PSTPIP1: variants seen among roughly 807,000 people sequenced by gnomAD.
PSTPIP1 encodes proline-serine-threonine phosphatase interacting protein 1, also known as proline-serine-threonine phosphatase-interacting protein 1.
In PSTPIP1, 66 loss-of-function variants were observed where a neutral mutation model predicts 69.6. The observed-to-expected ratio is 0.95, with a 90% CI of 0.78 to 1.16. The LOEUF (loss-of-function observed/expected upper bound fraction) is 1.16. Ranked by LOEUF, PSTPIP1 falls within the 50% of genes most tolerant of loss-of-function variation. PSTPIP1 has a pLI of 0.00. For missense variants in PSTPIP1, 603 were observed against 557.4 expected (o/e 1.08, Z -0.82); for synonymous variants, 266 against 222.7 (o/e 1.19, Z -1.73).
intron 9 of PSTPIP1, 64 bp downstream of exon 9, chr15:77,030,645 C>A: frequency 1.4e-6 from 2 of 1,478,858 alleles, no homozygotes; most frequent in African/African-American, 1.4e-5. Context: ...CATCCCTACT[C>A]CAGCTGCTTA....
At chr15:77,001,413 T>C (rs1336723178) in intron 1 of PSTPIP1, among the ~76,000 whole-genome samples, 1 of 152,180 alleles carries the variant, frequency 6.6e-6, no homozygotes, top group East Asian at 1.9e-4. Context: ...TCAGGGCCTG[T>C]GGATGGGGCC....
chr15:77,015,381 G>A (rs933941608), intron 1 of PSTPIP1, among the ~76,000 whole-genome samples: 7 of 152,028 alleles, frequency 4.6e-5, no homozygotes, highest in African/African-American at 9.7e-5. Context: ...CCCCATCTTC[G>A]CCTCCCGAGA....
At chr15:77,022,349 G>A (rs1274536515) in intron 3 of PSTPIP1, among the ~76,000 whole-genome samples, 1 of 152,198 alleles carries the variant, frequency 6.6e-6, no homozygotes, top group Non-Finnish European at 1.5e-5. Flanking sequence ...GAAACACACT[G>A]GAAATCTGGA....
chr15:77,007,287 G>A (rs1412478643), intron 1 of PSTPIP1, among the ~76,000 whole-genome samples: 1 of 152,182 alleles, frequency 6.6e-6, no homozygotes, highest in African/African-American at 2.4e-5. Context: ...ATTAATGTCT[G>A]TCCCGGCCTC....
intron 1 of PSTPIP1, among the ~76,000 whole-genome samples, chr15:77,004,897 A>G (rs1256783144): frequency 6.6e-6 from 1 of 151,654 alleles, no homozygotes; most frequent in Non-Finnish European, 1.5e-5. Context: ...ACAAAGAAAG[A>G]AAAGAGAAGC....
intron 12 of PSTPIP1, among the ~76,000 whole-genome samples, chr15:77,033,845 T>A (rs1197659162): frequency 6.6e-6 from 1 of 151,892 alleles, no homozygotes; most frequent in Non-Finnish European, 1.5e-5. Context: ...TCTTTGAGAA[T>A]CTTGTGCAAG....
In PSTPIP1 at chr15:76,995,422, G is replaced by T. The variant is rs1200264724; in HGVS notation, c.-152G>T. The T allele has an allele frequency of 6.7e-7, 1 of 1,494,360 alleles. No individual in the cohort carries two copies. Among genetic ancestry groups the T allele is most frequent in the East Asian group, 2.4e-5 (1 of 41,102 alleles). 92.6% of individuals were successfully genotyped at this position (1,494,360 alleles called of 1,614,324 possible). A position where few individuals can be genotyped will look rare whatever the true frequency, so the allele number is the denominator to read the frequency against. On this transcript the variant is annotated 5_prime_UTR_variant, in exon 1 of 15. Coordinates refer to ENST00000558012, the MANE Select transcript of PSTPIP1 (RefSeq NM_003978.5). ...CCCCTCAGAAGCTCCTCTCTGGCTCGTGGCTGCCTTCTGAGTGTTGCAGAC... is the reference window on the plus strand; with the variant it reads ...CCCCTCAGAAGCTCCTCTCTGGCTCTTGGCTGCCTTCTGAGTGTTGCAGAC...
chr15:77,035,149 C>G (rs1387513770), intron 12 of PSTPIP1, among the ~76,000 whole-genome samples: 1 of 152,240 alleles, frequency 6.6e-6, no homozygotes, highest in Non-Finnish European at 1.5e-5. Flanking sequence ...TCCCACGAGG[C>G]CTCAGTGCGG....
intron 1 of PSTPIP1, among the ~76,000 whole-genome samples, chr15:77,006,055 C>T (rs572203976): frequency 2.0e-5 from 3 of 152,130 alleles, no homozygotes; most frequent in Non-Finnish European, 2.9e-5. Context: ...TTTGAGTAAC[C>T]GCCAAACAGT....
chr15:77,009,905 C>T lies in PSTPIP1; in HGVS notation c.37-8243C>T, dbSNP rs114092344. ...GGTGTGGGAGGGCAATGCCTGGGGA[C>T]GGGGATGTGCAATGACAGTGCCTGG... On this transcript the variant is annotated intron_variant, in intron 1 of 14. Coordinates refer to ENST00000558012, the MANE Select transcript of PSTPIP1 (RefSeq NM_003978.5). Among the ~76,000 whole-genome samples the T allele has an allele frequency of 7.9e-3, 1,210 of 152,280 alleles. 13 individuals are homozygous for T. Among genetic ancestry groups the T allele is most frequent in the African/African-American group, 0.028 (1,152 of 41,544 alleles).
intron 1 of PSTPIP1, among the ~76,000 whole-genome samples, chr15:77,014,677 G>A (rs1371470143): frequency 6.6e-6 from 1 of 152,212 alleles, no homozygotes; most frequent in African/African-American, 2.4e-5. Flanking sequence ...TAGTTACAGA[G>A]GGTGCTTCTC....
At chr15:77,018,628 G>A (rs2076100420) in intron 3 of PSTPIP1, 97 bp downstream of exon 3, 2 of 1,294,668 alleles carry the variant, frequency 1.5e-6, no homozygotes, top group Non-Finnish European at 2.1e-6. Context: ...GGGGGAGGCT[G>A]GGCAGAACCA....
chr15:77,013,303 G>A (rs1012276550), intron 1 of PSTPIP1, among the ~76,000 whole-genome samples: 1 of 152,114 alleles, frequency 6.6e-6, no homozygotes, highest in South Asian at 2.1e-4. Flanking sequence ...CCAGTTCCCC[G>A]ACTTTCACTG....
intron 2 of PSTPIP1, 32 bp from the exon 3 acceptor site, chr15:77,018,425 T>G: frequency 6.4e-7 from 1 of 1,558,604 alleles, no homozygotes; most frequent in Middle Eastern, 1.7e-4. Context: ...GGCAAGTCAC[T>G]GATGATCTTT....
At chr15:77,017,080 T>C (rs1406921898) in intron 1 of PSTPIP1, among the ~76,000 whole-genome samples, 1 of 152,022 alleles carries the variant, frequency 6.6e-6, no homozygotes, top group African/African-American at 2.4e-5. Context: ...CTTGGTGCAG[T>C]TGGTGACAAA....
intron 1 of PSTPIP1, among the ~76,000 whole-genome samples, chr15:77,013,133 C>T (rs2075979387): frequency 6.6e-6 from 1 of 152,184 alleles, no homozygotes; most frequent in South Asian, 2.1e-4. Flanking sequence ...GGAGAGCACC[C>T]CAGCACCATG....
chr15:76,998,555 A>G (rs934987355), intron 1 of PSTPIP1, among the ~76,000 whole-genome samples: 2 of 152,202 alleles, frequency 1.3e-5, no homozygotes, highest in Non-Finnish European at 2.9e-5. Context: ...TAGATGTAGC[A>G]ATTAGTGGCA....
chr15:77,016,043 C>G (rs2076045222), intron 1 of PSTPIP1: 1 of 456,150 alleles, frequency 2.2e-6, no homozygotes, highest in Non-Finnish European at 4.4e-6. Flanking sequence ...TCCATAAGGA[C>G]AGGAGAAGGG....
intron 3 of PSTPIP1, among the ~76,000 whole-genome samples, chr15:77,019,700 G>A (rs16968623): frequency 0.58 from 88,074 of 152,122 alleles, 28,249 homozygotes; most frequent in Middle Eastern, 0.74. Context: ...GCGAGCTGCC[G>A]TGCAAATCAA....
Sources: gnomAD v4.1 joint callset for allele counts (sites outside exome capture counted in the v4.1 genomes callset) on GRCh38, gnomAD v4.1.1 for gene constraint, MANE v1.5 for transcripts, NCBI Gene and HGNC (gene_info 2026-07-23, HGNC 2026-07-21) for gene names.